SLC30A4: variants seen among roughly 807,000 people sequenced by gnomAD.
SLC30A4 encodes probable proton-coupled zinc antiporter SLC30A4.
SLC30A4 carries 20 observed loss-of-function variants against 41.7 expected under a neutral mutation model. The ratio of observed to expected loss-of-function variants is 0.48; its 90% CI spans 0.34 to 0.70. The LOEUF is 0.70. SLC30A4 is among the 30% of genes least tolerant of loss of function. The pLI, the probability that SLC30A4 is intolerant of heterozygous loss-of-function variation, is 0.01. For synonymous variants in SLC30A4, 181 were observed against 195.9 expected (o/e 0.92, Z 0.64); for missense variants, 441 against 529.3 (o/e 0.83, Z 1.64).
chr15:45,514,049 A>C (rs1423498997), intron 2 of SLC30A4: 1 of 152,102 alleles, frequency 6.6e-6, no homozygotes, highest in African/African-American at 2.4e-5. Flanking sequence ...TTGCTCTTTC[A>C]ATCTAGAAAT....
At chr15:45,517,513 C>G (rs1892522012) in intron 2 of SLC30A4, among the ~76,000 whole-genome samples, 1 of 151,696 alleles carries the variant, frequency 6.6e-6, no homozygotes, top group Non-Finnish European at 1.5e-5. Context: ...GCCACCATGC[C>G]TGGCTAATTT....
intron 2 of SLC30A4, among the ~76,000 whole-genome samples, chr15:45,517,494 C>T (rs1393966817): frequency 6.6e-6 from 1 of 150,560 alleles, no homozygotes; most frequent in Non-Finnish European, 1.5e-5. Flanking sequence ...GCTGGGATTA[C>T]AGGCACGTGC....
intron 2 of SLC30A4, among the ~76,000 whole-genome samples, chr15:45,517,545 G>T (rs1169188292): frequency 1.3e-5 from 2 of 151,388 alleles, no homozygotes; most frequent in African/African-American, 4.9e-5. Context: ...TAGAGACGGG[G>T]TTTCGCCATA....
intron 2 of SLC30A4, among the ~76,000 whole-genome samples, chr15:45,512,154 T>C (rs1330035279): frequency 2.0e-5 from 3 of 152,196 alleles, no homozygotes; most frequent in African/African-American, 7.2e-5. Context: ...TTAATATATA[T>C]ATTATACATT....
intron 3 of SLC30A4, among the ~76,000 whole-genome samples, chr15:45,507,804 G>T (rs941858570): frequency 1.3e-5 from 2 of 152,036 alleles, no homozygotes; most frequent in African/African-American, 4.8e-5. Flanking sequence ...GGTTCTTTAA[G>T]TTACTTCTCT....
intron 3 of SLC30A4, among the ~76,000 whole-genome samples, chr15:45,503,272 A>G (rs1308579043): frequency 6.6e-6 from 1 of 152,208 alleles, no homozygotes; most frequent in African/African-American, 2.4e-5. Flanking sequence ...ACCTGAAATT[A>G]ATTTTCATTT....
Position 45,481,537 on chromosome 15 carries a change from A to C in SLC30A4, c.*3626T>G, listed in dbSNP as rs1019062144. The C allele has an allele frequency of 2.0e-5, 3 of 152,222 alleles. No homozygotes were observed. Among genetic ancestry groups the C allele is most frequent in the Admixed American group, 2.0e-4 (3 of 15,278 alleles). 9.4% of individuals were successfully genotyped at this position (152,222 alleles called of 1,614,324 possible). ...AATATATCACACCAAAGAACTGCCAAGTTTTTATATTGTGGTCTGTGGTCC... is the reference window on the plus strand; with the variant it reads ...AATATATCACACCAAAGAACTGCCACGTTTTTATATTGTGGTCTGTGGTCC... On this transcript the variant is annotated 3_prime_UTR_variant, in exon 8 of 8. Coordinates refer to ENST00000261867, the MANE Select transcript of SLC30A4 (RefSeq NM_013309.6).
chr15:45,512,996 T>TAAA (rs768254504), intron 2 of SLC30A4, among the ~76,000 whole-genome samples: 1 of 139,312 alleles, frequency 7.2e-6, no homozygotes. Flanking sequence ...AGACATTGAC[T>TAAA]AAAAAAAAAA....
At chr15:45,511,398 TC>T (rs1341018684) in intron 2 of SLC30A4, 114 bp from the exon 3 acceptor site, 1 of 644,324 alleles carries the variant, frequency 1.6e-6, no homozygotes, top group African/African-American at 1.8e-5. Flanking sequence ...TAAATCTTTA[TC>T]CCATTACAAT....
rs545615447 is a variant in SLC30A4 at position 45,490,800 on chromosome 15, A to G, written c.620T>C (p.Ile207Thr). The G allele has an allele frequency of 6.2e-6, 10 of 1,611,226 alleles. No individual in the cohort carries two copies. The East Asian group carries it at 8.9e-5, about 14-fold the overall frequency. ...FLLYEAVQRT[I>T]HMNYEINGDI... ...TCCATTTATTTCATAGTTCATATGG[A>G]TAGTTCTTTGCACAGCTTCATATAA... The change falls in exon 4 of 8, where the codon ATC becomes ACC. Residue 207 changes from isoleucine to threonine, a missense_variant. By Grantham distance (89) the Ile-to-Thr change is moderately conservative. This residue lies in a region of SLC30A4 where 312 missense variants were observed against 341.9 expected (regional missense o/e 0.91). Transcript: ENST00000261867.
rs1474375352 is a variant in SLC30A4, at chr15:45,483,256, C to G, written c.*1907G>C. 2 of 152,132 alleles carry G rather than the reference C, an allele frequency of 1.3e-5. No individual in the cohort carries two copies. The highest frequency in any genetic ancestry group is 2.9e-5 in the Non-Finnish European group (2 of 68,022). The allele number at this position is 152,132 out of a possible 1,614,324, so 9.4% of individuals were successfully genotyped here. A position where few individuals can be genotyped will look rare whatever the true frequency, so the allele number is the denominator to read the frequency against. ...GTAAGAAGATAAAATGTTTCCTATTCTTCATTTATATTGTAAGTCATCTGC... is the reference window on the plus strand; with the variant it reads ...GTAAGAAGATAAAATGTTTCCTATTGTTCATTTATATTGTAAGTCATCTGC... On this transcript the variant is annotated 3_prime_UTR_variant, in exon 8 of 8. Coordinates refer to ENST00000261867, the MANE Select transcript of SLC30A4 (RefSeq NM_013309.6).
At chr15:45,521,379 C>A (rs1428743073) in intron 2 of SLC30A4, among the ~76,000 whole-genome samples, 1 of 152,160 alleles carries the variant, frequency 6.6e-6, no homozygotes, top group Non-Finnish European at 1.5e-5. Flanking sequence ...TTTTGCAAAT[C>A]TCTTGGCTAT....
rs549029141 is a variant in SLC30A4, at chr15:45,522,133, A to C, written c.222T>G (p.Asp74Glu). ...GAHPTLQADD[D>E]SLLDQDLPLT... Reference sequence around the variant, plus strand: ...AAGGTAAGTCTTGGTCCAGTAAGGAATCATCGTCGGCCTGGAGGGTCGGGT... The same window carrying C: ...AAGGTAAGTCTTGGTCCAGTAAGGACTCATCGTCGGCCTGGAGGGTCGGGT... Residue 74 changes from aspartate to glutamate, a missense_variant, in exon 2 of 8, where the codon GAT becomes GAG. Asp to Glu is a conservative substitution (Grantham distance 45). Transcript: ENST00000261867. 3.7e-6 allele frequency: 6 copies of C among 1,614,204 alleles called. No homozygotes were observed. In the South Asian group the frequency reaches 6.6e-5, roughly 18 times the overall value.
chr15:45,522,006 C>T lies in SLC30A4; in HGVS notation c.349G>A (p.Ala117Thr). ...QRKVKARLTI[A>T]AVLYLLFMIG... The stretch of plus-strand genomic sequence containing the variant: ...ATGAAAAGCAAGTACAGAACGGCAG[C>T]AATGGTCAACCTGGCTTTCACCTTT... Residue 117 changes from alanine (A) to threonine (T), a missense_variant, in exon 2 of 8, where the codon GCT becomes ACT. Around this residue, in one of 3 missense-constraint regions of SLC30A4, gnomAD observed 312 missense variants for 341.9 expected, o/e 0.91. Transcript: ENST00000261867. 6.2e-7 allele frequency: 1 copy of T among 1,614,224 alleles called. No individual in the cohort carries two copies. The highest frequency in any genetic ancestry group is 8.5e-7 in the Non-Finnish European group (1 of 1,180,026).
At chr15:45,513,497 A>G (rs1892363200) in intron 2 of SLC30A4, among the ~76,000 whole-genome samples, 1 of 152,022 alleles carries the variant, frequency 6.6e-6, no homozygotes, top group Non-Finnish European at 1.5e-5. Context: ...AAAAAAAAAA[A>G]GTAAGGACCT....
chr15:45,521,152 T>C, intron 2 of SLC30A4: 1 of 365,554 alleles, frequency 2.7e-6, no homozygotes, highest in Non-Finnish European at 5.5e-6. Flanking sequence ...CTCCCTGCTT[T>C]TATGTCACTT....
intron 7 of SLC30A4, 39 bp from the exon 8 acceptor site, chr15:45,485,356 A>T: frequency 7.0e-7 from 1 of 1,430,844 alleles, no homozygotes; most frequent in South Asian, 1.3e-5. Context: ...TCCATTGTAC[A>T]GTTACATCTT....
chr15:45,508,911 G>C (rs576931043), intron 3 of SLC30A4, among the ~76,000 whole-genome samples: 1 of 152,100 alleles, frequency 6.6e-6, no homozygotes, highest in South Asian at 2.1e-4. Context: ...CATTATTATG[G>C]GTTCTTAACT....
chr15:45,488,729 TA>T, intron 5 of SLC30A4, 111 bp downstream of exon 5: 1 of 776,032 alleles, frequency 1.3e-6, no homozygotes, highest in Non-Finnish European at 2.1e-6. Flanking sequence ...TACATCAATG[TA>T]AAATGAATAG....
Sources: allele counts gnomAD v4.1 joint callset (sites outside exome capture counted in the v4.1 genomes callset), GRCh38; gene constraint gnomAD v4.1.1; regional missense constraint gnomAD v4.1.1; transcripts MANE v1.5; gene names NCBI Gene and HGNC (gene_info 2026-07-23, HGNC 2026-07-21).